Variants in GSE1 observed in about 807,000 individuals in gnomAD.
GSE1 encodes genetic suppressor element 1.
A neutral mutation model predicts 112.6 loss-of-function variants in GSE1; 32 were observed. The observed-to-expected ratio is 0.28, with a 90% CI of 0.21 to 0.38. The LOEUF is 0.38. Among genes scored for constraint, GSE1 ranks in the 10% least tolerant of loss-of-function variants. GSE1 has a pLI of 1.00. For synonymous variants in GSE1, 1,115 were observed against 735.6 expected, an observed-to-expected ratio of 1.52 and a Z score of -8.35; for missense variants, 2,348 against 1,699.2, an observed-to-expected ratio of 1.38 and a Z score of -6.71.
At chr16:85,325,709 C>T (rs1249726882) in intron 1 of GSE1, among the ~76,000 whole-genome samples, 1 of 151,954 alleles carries the variant, frequency 6.6e-6, no homozygotes, top group Non-Finnish European at 1.5e-5. Flanking sequence ...GCCTTAGCCT[C>T]CCAAAGTGCT....
intron 12 of GSE1, among the ~76,000 whole-genome samples, chr16:85,665,389 A>T (rs2052760925): frequency 6.6e-6 from 1 of 152,196 alleles, no homozygotes; most frequent in Admixed American, 6.5e-5. Flanking sequence ...GGTCGTAGTA[A>T]CCGTTGTCCT....
chr16:85,316,716 C>A lies in GSE1; in HGVS notation c.2284-40747C>A, dbSNP rs560708009. On this transcript the variant is annotated intron_variant, in intron 1 of 2. Coordinates refer to the GSE1 transcript ENST00000637419. ...GCCTCTGCAGTAGATCGAGTCCCAA[C>A]CCCCATGGGGCTCCGCAGGGGTTAC... Among the ~76,000 whole-genome samples the A allele has an allele frequency of 3.3e-5, 5 of 152,358 alleles. No individual in the cohort carries two copies. In the South Asian group the frequency reaches 6.2e-4, roughly 19 times the overall value.
intron 2 of GSE1, among the ~76,000 whole-genome samples, chr16:85,407,965 GT>G (rs2048353429): frequency 2.1e-5 from 1 of 48,444 alleles, no homozygotes; most frequent in Non-Finnish European, 4.3e-5. Flanking sequence ...TACACTCAGG[GT>G]CCCTCTGATA....
chr16:85,200,676 A>G (rs2075011093), intron 1 of GSE1, among the ~76,000 whole-genome samples: 1 of 152,030 alleles, frequency 6.6e-6, no homozygotes, highest in South Asian at 2.1e-4. Flanking sequence ...ATTTAATCTT[A>G]CTGCAAGGGG....
chr16:85,463,416 C>A (rs1437313547), intron 2 of GSE1, among the ~76,000 whole-genome samples: 1 of 152,242 alleles, frequency 6.6e-6, no homozygotes, highest in Admixed American at 6.5e-5. Context: ...CCCTCAGACC[C>A]CGTGTAGGGA....
chr16:85,373,872 TCTCTTTCATGAGCGGCAGC>T lies in GSE1; in HGVS notation c.2464+16233_2464+16251del, dbSNP rs992794028. Among the ~76,000 whole-genome samples, 1 of 152,056 alleles carries T rather than the reference TCTCTTTCATGAGCGGCAGC, an allele frequency of 6.6e-6. No individual in the cohort carries two copies. The highest frequency in any genetic ancestry group is 1.5e-5 in the Non-Finnish European group (1 of 67,990). On this transcript the variant is annotated intron_variant, in intron 2 of 2. Transcript: ENST00000637419. The surrounding 1 kb of genome is among the most constrained non-coding windows in gnomAD (Gnocchi z 5.1). ...CGCCACGGCAGGGCCAGTCTCTTTG[TCTCTTTCATGAGCGGCAGC>T]CTCCAGGCACCCGCCCGGCCTCCCT...
At position 85,661,280 on chromosome 16, in the gene GSE1, A is replaced by G; in HGVS notation, c.1775A>G (p.Asp592Gly). ...TALWNPVSLM[D>G]NTLETRRAES... The stretch of plus-strand genomic sequence containing the variant: ...CTCTGGAACCCCGTGTCCCTGATGG[A>G]CAACACCTTGGAGACGCGGCGGGCC... The change falls in exon 9 of 16, where the codon GAC becomes GGC. Residue 592 changes from aspartate to glycine, a missense_variant. By Grantham distance (94) the Asp-to-Gly change is moderately conservative. Transcript: ENST00000253458. The G allele has an allele frequency of 6.2e-7, 1 of 1,612,934 alleles. No homozygotes were observed. Among genetic ancestry groups the G allele is most frequent in the South Asian group, 1.1e-5 (1 of 91,080 alleles).
chr16:85,382,949 G>T (rs552455650), intron 2 of GSE1, among the ~76,000 whole-genome samples: 2 of 149,032 alleles, frequency 1.3e-5, no homozygotes, highest in South Asian at 2.1e-4. Context: ...ACGTACACAT[G>T]CACACACGTG....
intron 2 of GSE1, among the ~76,000 whole-genome samples, chr16:85,639,805 C>T (rs886256135): frequency 6.6e-6 from 1 of 152,250 alleles, no homozygotes; most frequent in African/African-American, 2.4e-5. Flanking sequence ...CCCTCGCAAG[C>T]TGTGTGGCAT....
chr16:85,499,812 A>C (rs1597968528), intron 2 of GSE1, among the ~76,000 whole-genome samples: 1 of 152,252 alleles, frequency 6.6e-6, no homozygotes, highest in Non-Finnish European at 1.5e-5. Flanking sequence ...ATAAAAAGAT[A>C]ACATATGTTG....
chr16:85,522,924 G>A (rs1473000684), intron 2 of GSE1, among the ~76,000 whole-genome samples: 2 of 152,110 alleles, frequency 1.3e-5, no homozygotes, highest in Non-Finnish European at 2.9e-5. Context: ...GTGTATGTAT[G>A]TTGTATGTGC....
chr16:85,424,943 C>T (rs1382695518), intron 2 of GSE1, among the ~76,000 whole-genome samples: 1 of 152,262 alleles, frequency 6.6e-6, no homozygotes, highest in Non-Finnish European at 1.5e-5. Flanking sequence ...GTGTCAGGGC[C>T]TCTTCGGGTT....
intron 1 of GSE1, among the ~76,000 whole-genome samples, chr16:85,340,388 C>A (rs1394943485): frequency 6.6e-6 from 1 of 152,088 alleles, no homozygotes; most frequent in African/African-American, 2.4e-5. Context: ...GCCTGTAATC[C>A]CAGCACTTTG....
chr16:85,315,992 T>C (rs2045977966), intron 1 of GSE1, among the ~76,000 whole-genome samples: 1 of 152,212 alleles, frequency 6.6e-6, no homozygotes, highest in African/African-American at 2.4e-5. Flanking sequence ...ATGGTGCCCC[T>C]GCTGGGCTTT....
intron 1 of GSE1, among the ~76,000 whole-genome samples, chr16:85,194,819 G>C (rs2074896374): frequency 6.6e-6 from 1 of 152,144 alleles, no homozygotes; most frequent in African/African-American, 2.4e-5. Flanking sequence ...CCAAGGTTGG[G>C]GTGGACACAA....
At chr16:85,297,614 C>T (rs1159051936) in intron 1 of GSE1, among the ~76,000 whole-genome samples, 1 of 152,170 alleles carries the variant, frequency 6.6e-6, no homozygotes, top group Non-Finnish European at 1.5e-5. Flanking sequence ...ATCCTCCAGT[C>T]TCAGCCTCCC....
At chr16:85,521,684 G>C (rs1742335308) in intron 2 of GSE1, among the ~76,000 whole-genome samples, 1 of 152,256 alleles carries the variant, frequency 6.6e-6, no homozygotes. Flanking sequence ...TAGCGGCTAA[G>C]GGGTTTCCAT....
chr16:85,508,422 C>G (rs1259533299), intron 2 of GSE1, among the ~76,000 whole-genome samples: 1 of 152,160 alleles, frequency 6.6e-6, no homozygotes, highest in Non-Finnish European at 1.5e-5. Context: ...TCCACACCAC[C>G]AGGGGCGAGA....
At chr16:85,342,168 C>A (rs984294732) in intron 1 of GSE1, among the ~76,000 whole-genome samples, 1 of 151,936 alleles carries the variant, frequency 6.6e-6, no homozygotes, top group Non-Finnish European at 1.5e-5. Context: ...GTGGCTGTCA[C>A]TGTGTTTCCA....
Sources: allele counts gnomAD v4.1 joint callset (sites outside exome capture counted in the v4.1 genomes callset), GRCh38; gene constraint gnomAD v4.1.1; non-coding constraint Gnocchi (gnomAD v3.1); transcripts MANE v1.5; gene names NCBI Gene and HGNC (gene_info 2026-07-23, HGNC 2026-07-21).